The following VAV1 variants were observed in gnomAD, a reference collection of about 807,000 sequenced individuals.
The protein encoded by VAV1 is vav guanine nucleotide exchange factor 1, also known as proto-oncogene vav.
Under a neutral mutation model 128.1 loss-of-function variants are expected in VAV1, and 33 were observed. That is an observed-to-expected ratio of 0.26 (90% CI 0.20 to 0.34). The LOEUF (loss-of-function observed/expected upper bound fraction) is 0.34, where lower values mean the gene tolerates loss of function less well. Ranked by LOEUF, VAV1 falls within the 10% of genes least tolerant of loss-of-function variation. The pLI is 1.00. For missense variants in VAV1, 715 were observed against 1,093.7 expected (o/e 0.65, Z 4.88); for synonymous variants, 394 against 409.8 (o/e 0.96, Z 0.47).
At chr19:6,784,352 A>C (rs1970837959) in intron 1 of VAV1, 1 of 437,130 alleles carries the variant, frequency 2.3e-6, no homozygotes, top group Non-Finnish European at 4.1e-6. Context: ...GCTGGGGATG[A>C]GGGAGCTGGG....
At chr19:6,824,983 C>T in intron 6 of VAV1, 70 bp from the exon 7 acceptor site, 1 of 1,513,416 alleles carries the variant, frequency 6.6e-7, no homozygotes, top group East Asian at 2.3e-5. Context: ...GTCTCCTTCC[C>T]CTGTCTCTCT....
intron 1 of VAV1, chr19:6,816,409 C>T (rs1205379720): frequency 1.3e-5 from 2 of 151,752 alleles, no homozygotes; most frequent in Non-Finnish European, 2.9e-5. Flanking sequence ...ATTGCTTGGT[C>T]CCAGGAGGTG....
At chr19:6,810,370 C>T (rs1971489397) in intron 1 of VAV1, among the ~76,000 whole-genome samples, 1 of 152,118 alleles carries the variant, frequency 6.6e-6, no homozygotes, top group South Asian at 2.1e-4. Flanking sequence ...TTTCAAAACA[C>T]TTAGATTCGT....
intron 1 of VAV1, among the ~76,000 whole-genome samples, chr19:6,786,430 C>G (rs545031008): frequency 6.6e-6 from 1 of 152,108 alleles, no homozygotes; most frequent in Non-Finnish European, 1.5e-5. Context: ...CCACTGCACT[C>G]CAGCCTGGGC....
At chr19:6,806,183 T>C (rs1971393433) in intron 1 of VAV1, among the ~76,000 whole-genome samples, 1 of 151,802 alleles carries the variant, frequency 6.6e-6, no homozygotes, top group Admixed American at 6.6e-5. Flanking sequence ...GCCACCCGGG[T>C]TCAAGCAATT....
intron 22 of VAV1, among the ~76,000 whole-genome samples, chr19:6,845,403 C>T (rs773665675): frequency 6.6e-5 from 10 of 151,844 alleles, no homozygotes; most frequent in South Asian, 4.2e-4. Context: ...AACAAACAAA[C>T]AAATAAATAA....
intron 1 of VAV1, among the ~76,000 whole-genome samples, chr19:6,814,676 CTTTCTTT>C (rs1568299223): frequency 3.1e-4 from 30 of 97,370 alleles, no homozygotes; most frequent in South Asian, 1.7e-3. Context: ...TCCTTCCTTT[CTTTCTTT>C]CTTTCTTTCT....
At chr19:6,848,209 G>A (rs331679) in intron 23 of VAV1, 95 bp downstream of exon 23, 403,412 of 1,170,246 alleles carry the variant, frequency 0.34, 78,165 homozygotes, top group African/African-American at 0.84. Context: ...AGAAGTGTAC[G>A]GTAATAGCAT....
At chr19:6,816,893 G>C (rs1020161084) in intron 1 of VAV1, among the ~76,000 whole-genome samples, 2 of 151,902 alleles carry the variant, frequency 1.3e-5, no homozygotes, top group African/African-American at 4.8e-5. Flanking sequence ...GAACCTGGGA[G>C]GTGGAAGTTG....
Position 6,809,024 on chromosome 19 carries a change from C to T in VAV1, c.205-11678C>T, listed in dbSNP as rs950634891. Reference sequence around the variant, plus strand: ...GTTGCAAAGCCTCTATGGGCTAAAGCGAGCCACAAGACCAACCCAGATACA... The same window carrying T: ...GTTGCAAAGCCTCTATGGGCTAAAGTGAGCCACAAGACCAACCCAGATACA... On this transcript the variant is annotated intron_variant, in intron 1 of 26. Transcript: ENST00000602142. 5.9e-5 allele frequency among the ~76,000 whole-genome samples: 9 copies of T among 151,270 alleles called. No individual in the cohort carries two copies. In the South Asian group the frequency reaches 1.3e-3, roughly 21 times the overall value.
chr19:6,780,235 T>C (rs1257061042), intron 1 of VAV1, among the ~76,000 whole-genome samples: 5 of 150,370 alleles, frequency 3.3e-5, no homozygotes, highest in African/African-American at 1.2e-4. Flanking sequence ...TGTTTCCTGG[T>C]TTCTCATCTG....
intron 15 of VAV1, among the ~76,000 whole-genome samples, chr19:6,832,505 C>T (rs1225507311): frequency 4.5e-4 from 68 of 150,454 alleles, no homozygotes; most frequent in Admixed American, 1.2e-3. Context: ...TTCTCCTTCT[C>T]CTTTCCTCCT....
In VAV1 at chr19:6,833,211, C is replaced by T. The variant is rs200254050; in HGVS notation, c.1536C>T (p.Thr512=). The T allele has an allele frequency of 2.6e-4, 421 of 1,612,718 alleles. No individual in the cohort carries two copies. The highest frequency in any genetic ancestry group is 4.9e-4 in the East Asian group (22 of 44,870). The part of the protein sequence containing the change: ...AISNIYPENA[T]ANGHDFQMFS... The stretch of plus-strand genomic sequence containing the variant: ...CCAACATCTATCCGGAGAATGCCAC[C>T]GCCAACGGGCATGACTTCCAGATGT... Residue 512 remains threonine, a synonymous_variant, in exon 16 of 27, where the codon ACC becomes ACT. Transcript: ENST00000602142.
intron 1 of VAV1, 122 bp downstream of exon 1, chr19:6,773,133 C>T: frequency 7.5e-7 from 1 of 1,330,046 alleles, no homozygotes; most frequent in East Asian, 2.4e-5. Context: ...AATATGCTTA[C>T]AGGTCCAGGG....
chr19:6,802,485 G>T (rs895058252), intron 1 of VAV1, among the ~76,000 whole-genome samples: 1 of 152,026 alleles, frequency 6.6e-6, no homozygotes, highest in Non-Finnish European at 1.5e-5. Context: ...TGGCCCCACC[G>T]CAGCCCGGAG....
intron 1 of VAV1, among the ~76,000 whole-genome samples, chr19:6,788,896 G>A (rs473021): frequency 1.3e-5 from 2 of 152,062 alleles, no homozygotes; most frequent in Admixed American, 6.6e-5. Context: ...TGTTTATATG[G>A]GCAGTGACTT....
At chr19:6,856,100 G>A (rs573104694) in intron 26 of VAV1, among the ~76,000 whole-genome samples, 259 of 152,234 alleles carry the variant, frequency 1.7e-3, no homozygotes, top group Non-Finnish European at 2.8e-3. Context: ...TTTGAGACCC[G>A]CCTGGCCAAC....
chr19:6,853,744 AGT>A (rs2144834921), intron 25 of VAV1, among the ~76,000 whole-genome samples: 1 of 151,458 alleles, frequency 6.6e-6, no homozygotes, highest in African/African-American at 2.4e-5. Flanking sequence ...AAAAAAAAAA[AGT>A]GTTATTTTCT....
chr19:6,824,924 G>A (rs763007656), intron 6 of VAV1, 129 bp from the exon 7 acceptor site: 4 of 982,598 alleles, frequency 4.1e-6, no homozygotes, highest in Middle Eastern at 2.2e-4. Flanking sequence ...GAACATTCTT[G>A]TACAAGTTTT....
Sources: allele counts gnomAD v4.1 joint callset (sites outside exome capture counted in the v4.1 genomes callset), GRCh38; gene constraint gnomAD v4.1.1; transcripts MANE v1.5; gene names NCBI Gene and HGNC (gene_info 2026-07-23, HGNC 2026-07-21).